CDH17: variants seen among roughly 807,000 people sequenced by gnomAD.
The protein encoded by CDH17 is cadherin 17.
A neutral mutation model predicts 86.3 loss-of-function variants in CDH17; 67 were observed. That is an observed-to-expected ratio of 0.78 (90% CI 0.64 to 0.95). The LOEUF is 0.95. Ranked by LOEUF, CDH17 falls within the 40% of genes least tolerant of loss-of-function variation. The probability of loss-of-function intolerance (pLI) is 0.00; values close to 1 mark genes in which losing one functional copy is unlikely to be tolerated. For missense variants in CDH17, 993 were observed against 1,017.6 expected (o/e 0.98, Z 0.33); for synonymous variants, 367 against 366.4 (o/e 1.00, Z -0.02).
intron 10 of CDH17, among the ~76,000 whole-genome samples, chr8:94,163,233 C>G (rs556897971): frequency 3.3e-4 from 51 of 152,328 alleles, no homozygotes; most frequent in African/African-American, 1.1e-3. Context: ...GTAACCTAAC[C>G]AGGGTCACAC....
At chr8:94,164,386 C>G (rs1586253628) in intron 10 of CDH17, among the ~76,000 whole-genome samples, 1 of 152,280 alleles carries the variant, frequency 6.6e-6, no homozygotes, top group South Asian at 2.1e-4. Flanking sequence ...TCTATGTCTC[C>G]CCAGTACCTT....
At chr8:94,195,194 G>T (rs1813759300) in intron 1 of CDH17, among the ~76,000 whole-genome samples, 1 of 152,136 alleles carries the variant, frequency 6.6e-6, no homozygotes. Flanking sequence ...GTAGAGACAG[G>T]ATTTCACCAT....
intron 1 of CDH17, among the ~76,000 whole-genome samples, chr8:94,197,839 A>G (rs1175633251): frequency 6.6e-6 from 1 of 150,706 alleles, no homozygotes; most frequent in Non-Finnish European, 1.5e-5. Context: ...TAAAAAAAAA[A>G]AAAAAAAAAG....
At chr8:94,199,075 ATATATATATTTTTTT>A (rs1336309246) in intron 1 of CDH17, among the ~76,000 whole-genome samples, 6 of 9,924 alleles carry the variant, frequency 6.0e-4, no homozygotes, top group Non-Finnish European at 1.8e-3. Flanking sequence ...ATATATATAT[ATATATATATTTTTTT>A]TTTTTTATCA....
chr8:94,215,461 A>T (rs1422940292), intron 1 of CDH17, among the ~76,000 whole-genome samples: 1 of 152,236 alleles, frequency 6.6e-6, no homozygotes, highest in East Asian at 1.9e-4. Context: ...CAGAGAAAGA[A>T]GATTTCGGAG....
At chr8:94,194,825 AG>A (rs1813752095) in intron 1 of CDH17, 120 bp from the exon 2 acceptor site, 1 of 626,884 alleles carries the variant, frequency 1.6e-6, no homozygotes, top group Admixed American at 2.9e-5. Context: ...GTATCCCAAA[AG>A]GCCAGCCTCT....
intron 12 of CDH17, among the ~76,000 whole-genome samples, chr8:94,155,448 G>C (rs1425221887): frequency 1.3e-5 from 2 of 151,998 alleles, no homozygotes; most frequent in African/African-American, 4.8e-5. Flanking sequence ...GCAAAGTCCG[G>C]GCCCAGGCAG....
At chr8:94,175,692 G>C (rs988456368) in intron 5 of CDH17, among the ~76,000 whole-genome samples, 1 of 152,026 alleles carries the variant, frequency 6.6e-6, no homozygotes, top group South Asian at 2.1e-4. Context: ...GGGCTTTTGT[G>C]GAAGTGAAAG....
chr8:94,158,280 A>C (rs1338674909), intron 12 of CDH17, among the ~76,000 whole-genome samples: 1 of 152,164 alleles, frequency 6.6e-6, no homozygotes, highest in East Asian at 1.9e-4. Flanking sequence ...GATGTGACAA[A>C]GAGTTTGGTC....
chr8:94,153,347 C>A (rs1812890628), intron 12 of CDH17, among the ~76,000 whole-genome samples: 1 of 152,032 alleles, frequency 6.6e-6, no homozygotes, highest in Admixed American at 6.6e-5. Context: ...AATGACTTAT[C>A]AAAAAGACAA....
intron 12 of CDH17, among the ~76,000 whole-genome samples, chr8:94,156,682 T>C (rs1298822179): frequency 1.3e-5 from 2 of 152,188 alleles, no homozygotes; most frequent in East Asian, 3.9e-4. Flanking sequence ...ACCATCTGAC[T>C]CTTGAATTAG....
At chr8:94,210,225 GTA>G (rs1491102305), upstream of CDH17, among the ~76,000 whole-genome samples, 1 of 16,120 alleles carries the variant, frequency 6.2e-5, no homozygotes, top group African/African-American at 2.5e-4. Context: ...CTTTATGCGA[GTA>G]AAAAAAAAAA....
chr8:94,139,902 A>C (rs1368387939), intron 15 of CDH17, among the ~76,000 whole-genome samples: 1 of 116,138 alleles, frequency 8.6e-6, no homozygotes, highest in Non-Finnish European at 1.9e-5. Flanking sequence ...TAAAAAATAA[A>C]TAAAAAAAAA....
intron 9 of CDH17, among the ~76,000 whole-genome samples, chr8:94,167,149 C>A (rs1296805585): frequency 6.6e-6 from 1 of 152,130 alleles, no homozygotes; most frequent in Non-Finnish European, 1.5e-5. Flanking sequence ...AGGCAGGATC[C>A]TCTCCACCTT....
intron 1 of CDH17, among the ~76,000 whole-genome samples, chr8:94,195,707 GT>G (rs1169292746): frequency 6.6e-6 from 1 of 151,792 alleles, no homozygotes; most frequent in Non-Finnish European, 1.5e-5. Flanking sequence ...GGAAAACAGT[GT>G]TGTTACCTGT....
rs368238659 is a variant in CDH17, at chr8:94,172,966, G to A, written c.783+831C>T. Among the ~76,000 whole-genome samples the A allele has an allele frequency of 3.3e-5, 5 of 152,228 alleles. No homozygotes were observed. In the East Asian group the frequency reaches 7.7e-4, roughly 24 times the overall value. On this transcript the variant is annotated intron_variant, in intron 7 of 17. Transcript: ENST00000027335. ...ATCTCCGTCCCTCAGCCTAAGATGG[G>A]CAAGTCTATTGGGTCAAGATTTTTT...
intron 15 of CDH17, among the ~76,000 whole-genome samples, chr8:94,134,956 T>C (rs990188900): frequency 6.6e-5 from 10 of 152,180 alleles, no homozygotes; most frequent in African/African-American, 2.4e-4. Flanking sequence ...TCAGTTTCCA[T>C]GTAGTTGTGT....
At chr8:94,182,077 T>C (rs893129361) in intron 3 of CDH17, among the ~76,000 whole-genome samples, 4 of 152,040 alleles carry the variant, frequency 2.6e-5, no homozygotes, top group Admixed American at 6.5e-5. Flanking sequence ...CTAAAACTGA[T>C]TCAAGAACAC....
chr8:94,204,865 G>A (rs924056899), intron 1 of CDH17, among the ~76,000 whole-genome samples: 1 of 152,170 alleles, frequency 6.6e-6, no homozygotes, highest in Admixed American at 6.5e-5. Context: ...ATGGAAGGGG[G>A]GCCAGAGCAG....
Sources: allele counts gnomAD v4.1 joint callset (sites outside exome capture counted in the v4.1 genomes callset), GRCh38; gene constraint gnomAD v4.1.1; transcripts MANE v1.5; gene names NCBI Gene and HGNC (gene_info 2026-07-23, HGNC 2026-07-21).